Variants in ARMCX4 observed in about 807,000 individuals in gnomAD.
ARMCX4 encodes the protein armadillo repeat containing X-linked 4.
ARMCX4 carries 3 observed loss-of-function variants against 34.7 expected under a neutral mutation model. The ratio of observed to expected loss-of-function variants is 0.09; its 90% CI spans 0.04 to 0.22. The LOEUF (loss-of-function observed/expected upper bound fraction) is 0.22, where lower values mean the gene tolerates loss of function less well. ARMCX4 is among the 10% of genes least tolerant of loss of function. ARMCX4 has a pLI of 1.00. For synonymous variants in ARMCX4, 513 were observed against 632.8 expected, an observed-to-expected ratio of 0.81 and a Z score of 2.84; for missense variants, 1,448 against 1,720.8, an observed-to-expected ratio of 0.84 and a Z score of 2.81.
intron 11 of ARMCX4, among the ~76,000 whole-genome samples, chrX:101,524,617 A>G (rs1440520250): frequency 1.8e-5 from 2 of 111,672 alleles, no homozygotes; most frequent in Non-Finnish European, 3.8e-5. Flanking sequence ...CTAATACTGC[A>G]CTTTTCCAAT....
intron 4 of ARMCX4, among the ~76,000 whole-genome samples, chrX:101,455,424 AT>A (rs1173263549): frequency 1.1e-4 from 12 of 111,269 alleles, no homozygotes; most frequent in Non-Finnish European, 1.5e-4. Flanking sequence ...ATCTATTTGT[AT>A]TTTTTTTCAA....
rs1556008236 is a variant in ARMCX4 at position 101,490,095 on chromosome X, A to G, written c.1506A>G (p.Glu502=). ...VRGNVNTMPK[E]GAGVDMKAQG... ...GCAATGTCAATACCATGCCTAAGGAAGGAGCTGGGGTGGATATGAAGGCTC... is the reference window on the plus strand; with the variant it reads ...GCAATGTCAATACCATGCCTAAGGAGGGAGCTGGGGTGGATATGAAGGCTC... Residue 502 remains glutamate (E), a synonymous_variant, in exon 6 of 6, where the codon GAA becomes GAG. Transcript: ENST00000423738. 2 of 1,156,034 alleles carry G rather than the reference A, an allele frequency of 1.7e-6. No individual in the cohort carries two copies. The highest frequency in any genetic ancestry group is 1.8e-5 in the African/African-American group (1 of 56,390).
Position 101,433,895 on chromosome X carries a change from CAT to C in ARMCX4, n.165-10156_165-10155del, listed in dbSNP as rs782770555. Among the ~76,000 whole-genome samples, 512 of 111,201 alleles carry C rather than the reference CAT, an allele frequency of 4.6e-3. 2 individuals are homozygous for C. The highest frequency in any genetic ancestry group is 0.016 in the African/African-American group (482 of 30,651). On this transcript the variant is annotated intron_variant and non_coding_transcript_variant, in intron 2 of 3. Transcript: ENST00000430461. ...CCTCAGAAAACATTTTGCCTTAGAA[CAT>C]TCTTTTCTATTTTTATTTTTAAAAA...
intron 11 of ARMCX4, among the ~76,000 whole-genome samples, chrX:101,511,634 A>G (rs1934582158): frequency 1.8e-5 from 2 of 111,059 alleles, no homozygotes; most frequent in African/African-American, 3.3e-5. Flanking sequence ...CAGTTTTCAT[A>G]GATACTTTTT....
At chrX:101,527,946 A>G (rs1201647784) in intron 11 of ARMCX4, among the ~76,000 whole-genome samples, 2 of 112,151 alleles carry the variant, frequency 1.8e-5, no homozygotes, top group African/African-American at 6.5e-5. Context: ...ATTCCAATCA[A>G]TAGAAAAAGA....
intron 4 of ARMCX4, among the ~76,000 whole-genome samples, chrX:101,463,663 GTATTATTTTGCTC>G (rs1462674077): frequency 2.3e-4 from 26 of 112,014 alleles, no homozygotes; most frequent in African/African-American, 8.4e-4. Flanking sequence ...ATAATGAACA[GTATTATTTTGCTC>G]TATAACAAAG....
intron 2 of ARMCX4, among the ~76,000 whole-genome samples, chrX:101,432,748 A>G (rs782549751): frequency 1.2e-4 from 8 of 66,861 alleles, no homozygotes; most frequent in African/African-American, 3.2e-4. Context: ...ACGTATATAT[A>G]TGTGTATATA....
At chrX:101,458,828 A>G (rs1932465100) in intron 4 of ARMCX4, among the ~76,000 whole-genome samples, 2 of 111,789 alleles carry the variant, frequency 1.8e-5, no homozygotes, top group South Asian at 7.5e-4. Flanking sequence ...CAGCTAGTGC[A>G]TGATTTCCTC....
downstream of ARMCX4, among the ~76,000 whole-genome samples, chrX:101,499,990 G>T (rs1444527026): frequency 8.9e-6 from 1 of 111,944 alleles, no homozygotes; most frequent in Non-Finnish European, 1.9e-5. Context: ...CAGGAAGAAG[G>T]ACCCTACAAC....
intron 11 of ARMCX4, among the ~76,000 whole-genome samples, chrX:101,525,490 G>C (rs1280597943): frequency 8.9e-6 from 1 of 111,851 alleles, no homozygotes; most frequent in Non-Finnish European, 1.9e-5. Flanking sequence ...GACAAAAGTA[G>C]GCTTCAGAAG....
chrX:101,499,968 A>G (rs1442170491), downstream of ARMCX4, among the ~76,000 whole-genome samples: 1 of 112,227 alleles, frequency 8.9e-6, no homozygotes, highest in Non-Finnish European at 1.9e-5. Flanking sequence ...TTTGAAAGAA[A>G]GGCCGAGTGC....
intron 8 of ARMCX4, among the ~76,000 whole-genome samples, chrX:101,508,368 C>A (rs941203752): frequency 1.2e-4 from 13 of 111,845 alleles, no homozygotes; most frequent in Non-Finnish European, 2.3e-4. Flanking sequence ...AAGACGCAGT[C>A]AGCATTAGTT....
chrX:101,501,280 A>G (rs373561590), intron 7 of ARMCX4, among the ~76,000 whole-genome samples: 3 of 113,184 alleles, frequency 2.7e-5, no homozygotes, highest in African/African-American at 9.6e-5. Context: ...CTGCCACTTG[A>G]TGCATACAAG....
chrX:101,529,064 C>G (rs1251127304), intron 11 of ARMCX4, among the ~76,000 whole-genome samples: 1 of 111,350 alleles, frequency 9.0e-6, no homozygotes, highest in Non-Finnish European at 1.9e-5. Context: ...GGAGGTATCA[C>G]GCTACCTGAC....
chrX:101,500,410 T>C (rs1223870264), downstream of ARMCX4, among the ~76,000 whole-genome samples: 1 of 111,867 alleles, frequency 8.9e-6, no homozygotes. Context: ...CTGGCCAAGA[T>C]AGTAAATGAA....
chrX:101,494,211 G>A lies in ARMCX4; in HGVS notation c.5622G>A (p.Glu1874=). 1 of 1,152,871 alleles carries A rather than the reference G, an allele frequency of 8.7e-7. No homozygotes were observed. The highest frequency in any genetic ancestry group is 1.1e-6 in the Non-Finnish European group (1 of 870,927). The change falls in exon 6 of 6, where the codon GAG becomes GAA. Residue 1874 remains glutamate (E), a synonymous_variant. Transcript: ENST00000423738. ...GGGCTGGGGAAGAGGCTGGTGTAGA[G>A]TCCTGGACCTTGGCTAGGAATGTGG... is the stretch of plus-strand genomic sequence containing the variant. ...RLGAGEEAGV[E]SWTLARNVGE... is the part of the protein sequence containing the mutation.
rs1238055103 is a variant in ARMCX4 at position 101,512,832 on chromosome X, ATATATATGTG to A, written c.*1780+1797_*1780+1806del. Among the ~76,000 whole-genome samples the A allele has an allele frequency of 8.0e-5, 7 of 87,738 alleles. No homozygotes were observed. In the South Asian group the frequency reaches 3.3e-3, roughly 42 times the overall value. The allele number at this position is 87,738 out of a possible 115,157, so 76.2% of individuals were successfully genotyped here. A position where few individuals can be genotyped will look rare whatever the true frequency, so the allele number is the denominator to read the frequency against. Reference sequence around the variant, plus strand: ...CATATATACACATATATATACACATATATATATGTGTATATATGTGTATATATGTATATAT... The same window carrying A: ...CATATATACACATATATATACACATATATATATGTGTATATATGTATATAT... On this transcript the variant is annotated intron_variant and NMD_transcript_variant, in intron 11 of 12. Coordinates refer to the ARMCX4 transcript ENST00000354842.
At chrX:101,438,600 A>C (rs1197775325) in intron 2 of ARMCX4, among the ~76,000 whole-genome samples, 1 of 110,623 alleles carries the variant, frequency 9.0e-6, no homozygotes, top group East Asian at 2.8e-4. Flanking sequence ...ATTGTGTGGG[A>C]GTCTAAGTCT....
intron 2 of ARMCX4, among the ~76,000 whole-genome samples, chrX:101,432,722 GTATATACACA>G (rs1930151746): frequency 1.1e-5 from 1 of 91,250 alleles, no homozygotes; most frequent in Non-Finnish European, 2.2e-5. Context: ...ATACATATAT[GTATATACACA>G]TATATACGTA....
Sources: allele counts gnomAD v4.1 joint callset (sites outside exome capture counted in the v4.1 genomes callset), GRCh38; gene constraint gnomAD v4.1.1; transcripts MANE v1.5; gene names NCBI Gene and HGNC (gene_info 2026-07-23, HGNC 2026-07-21).